Variants in EP400 observed in about 807,000 individuals in gnomAD.
The protein encoded by EP400 is E1A binding protein p400.
EP400 carries 105 observed loss-of-function variants against 354.1 expected under a neutral mutation model. The ratio of observed to expected loss-of-function variants is 0.30; its 90% confidence interval spans 0.25 to 0.35. EP400 has a LOEUF of 0.35. Ranked by LOEUF, EP400 falls within the 10% of genes least tolerant of loss-of-function variation. The pLI, the probability that EP400 is intolerant of heterozygous loss-of-function variation, is 1.00. For synonymous variants in EP400, 1,646 were observed against 1,716.9 expected (o/e 0.96, Z 1.02); for missense variants, 3,280 against 4,121.0 (o/e 0.80, Z 5.59).
Position 132,011,841 on chromosome 12 carries a change from A to G in EP400, c.3441+207A>G, listed in dbSNP as rs1033595109. On this transcript the variant is annotated intron_variant, in intron 16 of 52. Transcript: ENST00000389561. ...CCATTCCTTGTGAGGAGGGCCACGC[A>G]CTCGCAGGCCCAGGTGTGCACAGAT... Among the ~76,000 whole-genome samples, 5 of 152,144 alleles carry G rather than the reference A, an allele frequency of 3.3e-5. No homozygotes were observed. In the South Asian group the frequency reaches 8.3e-4, roughly 25 times the overall value.
chr12:131,970,996 G>A (rs780584732), intron 2 of EP400, among the ~76,000 whole-genome samples: 8 of 152,258 alleles, frequency 5.3e-5, no homozygotes, highest in East Asian at 3.9e-4. Context: ...TTGAGACCGC[G>A]TATTCAAGAC....
At position 132,044,848 on chromosome 12, in the gene EP400, G is replaced by A. The variant is rs141231230; in HGVS notation, c.6679G>A (p.Asp2227Asn). The change falls in exon 37 of 53, where the codon GAC becomes AAC. Residue 2227 changes from aspartate to asparagine, a missense_variant. By Grantham distance (23) the Asp-to-Asn change is conservative. Coordinates refer to ENST00000389561, the MANE Select transcript of EP400 (RefSeq NM_015409.5). ...PPQDDSDIYL[D>N]SVMCLMYEAT... ...GCAGGACGACAGCGACATCTACCTC[G>A]ACTCGGTCATGTGTCTCATGTATGA... 1.3e-4 allele frequency: 212 copies of A among 1,614,104 alleles called. No homozygotes were observed. The highest frequency in any genetic ancestry group is 2.0e-4 in the Admixed American group (12 of 60,024).
In EP400 at chr12:132,037,767, G is replaced by A; in HGVS notation, c.6037G>A (p.Asp2013Asn). The change falls in exon 31 of 53, where the codon GAC (aspartate) becomes AAC (asparagine). Residue 2013 changes from aspartate (D) to asparagine (N), a missense_variant. This residue lies in a region of EP400 where 60 missense variants were observed against 109.9 expected (regional missense o/e 0.55). Transcript: ENST00000389561. ...LIREVAAQGN[D>N]YSMAFLTQRT... ...CCGAGAAGTGGCTGCTCAGGGAAAT[G>A]ACTACTCCATGGCTTTCTTAACTCA... is the stretch of plus-strand genomic sequence containing the variant. 4 of 1,614,204 alleles carry A rather than the reference G, an allele frequency of 2.5e-6. No homozygotes were observed. Among genetic ancestry groups the A allele is most frequent in the Non-Finnish European group, 3.4e-6 (4 of 1,180,040 alleles).
intron 45 of EP400, among the ~76,000 whole-genome samples, chr12:132,060,154 G>A (rs1217270071): frequency 6.6e-6 from 1 of 152,102 alleles, no homozygotes; most frequent in East Asian, 1.9e-4. Flanking sequence ...CAAAACTGGG[G>A]GAAACAACCC....
intron 47 of EP400, 67 bp from the exon 48 acceptor site, chr12:132,064,601 C>A: frequency 5.8e-6 from 9 of 1,563,578 alleles, no homozygotes; most frequent in Non-Finnish European, 7.8e-6. Context: ...GGCTTAGGAA[C>A]AAGATGTCTA....
chr12:131,991,515 T>C, intron 10 of EP400, 59 bp downstream of exon 10: 5 of 1,484,760 alleles, frequency 3.4e-6, no homozygotes, highest in Non-Finnish European at 4.7e-6. Context: ...TCCAGTAGAG[T>C]GGGCCTTTTC....
intron 32 of EP400, among the ~76,000 whole-genome samples, chr12:132,041,814 AT>A (rs1466340276): frequency 6.6e-6 from 1 of 151,518 alleles, no homozygotes; most frequent in East Asian, 1.9e-4. Flanking sequence ...TTGTGGTTTA[AT>A]TTGTGGTTTT....
rs1232340531 is a variant in EP400, at chr12:132,045,555, C to T, written c.7021C>T (p.Leu2341=). Residue 2341 remains leucine, a synonymous_variant, in exon 38 of 53, where the codon CTG becomes TTG. Transcript: ENST00000389561. ...GCTCATCAGTGAGGACTGGGCGCTGCTGCAGGTAGGTGGGCGTGGTCTTTG... is the reference window on the plus strand; with the variant it reads ...GCTCATCAGTGAGGACTGGGCGCTGTTGCAGGTAGGTGGGCGTGGTCTTTG... ...EWLISEDWAL[L]QAVKQLLELP... The T allele has an allele frequency of 2.5e-6, 4 of 1,613,884 alleles. No homozygotes were observed. Among genetic ancestry groups the T allele is most frequent in the African/African-American group, 1.3e-5 (1 of 74,958 alleles).
Position 131,986,574 on chromosome 12 carries a change from A to G in EP400, c.1990A>G (p.Thr664Ala), listed in dbSNP as rs1201953707. The G allele has an allele frequency of 1.9e-6, 3 of 1,613,512 alleles. No individual in the cohort carries two copies. The highest frequency in any genetic ancestry group is 2.2e-5 in the East Asian group (1 of 44,830). ...PAPPCPRPLPTSSTSSLAPVS... is the reference protein window; with the variant it reads ...PAPPCPRPLPASSTSSLAPVS... ...CCCGCCCTGCCCACGGCCTCTGCCCACCTCTTCTACCTCGTCCCTCGCGCC... is the reference window on the plus strand; with the variant it reads ...CCCGCCCTGCCCACGGCCTCTGCCCGCCTCTTCTACCTCGTCCCTCGCGCC... The change falls in exon 6 of 53, where the codon ACC (threonine) becomes GCC (alanine). Residue 664 changes from threonine to alanine, a missense_variant. Physicochemically the swap from Thr to Ala is moderately conservative, Grantham distance 58. Coordinates refer to ENST00000389561, the MANE Select transcript of EP400 (RefSeq NM_015409.5).
intron 1 of EP400, among the ~76,000 whole-genome samples, chr12:131,959,997 C>T (rs1461001054): frequency 1.3e-5 from 2 of 152,180 alleles, no homozygotes; most frequent in African/African-American, 4.8e-5. Flanking sequence ...CTGGGGAGGG[C>T]TGGGTATTTG....
At chr12:131,963,671 C>G (rs1188800092) in intron 2 of EP400, 1 of 1,553,616 alleles carries the variant, frequency 6.4e-7, no homozygotes, top group South Asian at 1.1e-5. Context: ...CAAATGTAGT[C>G]TCATCCCAAA....
rs1410286485 is a variant in EP400 at position 132,067,167 on chromosome 12, G to A, written c.8750-195G>A. 2.6e-6 allele frequency: 3 copies of A among 1,160,616 alleles called. No individual in the cohort carries two copies. In the East Asian group the frequency reaches 7.4e-5, roughly 29 times the overall value. The allele number at this position is 1,160,616 out of a possible 1,614,324, so 71.9% of individuals were successfully genotyped here. On this transcript the variant is annotated intron_variant, in intron 49 of 52. Coordinates refer to ENST00000389561, the MANE Select transcript of EP400 (RefSeq NM_015409.5). This position sits in a 1 kb window ranked among gnomAD's most constrained non-coding sequence, Gnocchi z 5.3. ...TCCTCAATTGAACTGTTAACATTCTGAAATTTCCGTCTTAATTTAAGTGTA... is the reference window on the plus strand; with the variant it reads ...TCCTCAATTGAACTGTTAACATTCTAAAATTTCCGTCTTAATTTAAGTGTA...
chr12:131,964,166 A>G (rs1487887393), intron 2 of EP400, among the ~76,000 whole-genome samples: 1 of 152,198 alleles, frequency 6.6e-6, no homozygotes, highest in African/African-American at 2.4e-5. Context: ...TCAGTGTTAA[A>G]TTAGTAATGC....
At chr12:132,049,231 C>T (rs1290660784) in intron 39 of EP400, among the ~76,000 whole-genome samples, 1 of 152,256 alleles carries the variant, frequency 6.6e-6, no homozygotes, top group Non-Finnish European at 1.5e-5. Flanking sequence ...CATTACCAGA[C>T]ACACGGTCTT....
Position 132,053,502 on chromosome 12 carries a change from C to T in EP400, c.7633C>T (p.Gln2545Ter), listed in dbSNP as rs1264573144. Residue 2545 changes from glutamine (Q) to a stop codon, truncating the protein, a stop_gained, in exon 43 of 53, where the codon CAA becomes TAA. Transcript: ENST00000389561. LOFTEE classifies it high-confidence loss of function. ...AGCAGGGCCACCAGCTGTCCAGCCC[C>T]AACCCCAGCCACAGCCCCAGACCCA... The part of the protein sequence containing the change: ...PPAGPPAVQP[Q>*]PQPQPQTQPQ... 6.5e-7 allele frequency: 1 copy of T among 1,539,118 alleles called. No individual in the cohort carries two copies. The highest frequency in any genetic ancestry group is 8.7e-7 in the Non-Finnish European group (1 of 1,148,762).
chr12:132,033,695 C>G lies in EP400; in HGVS notation c.5951+1546C>G, dbSNP rs1487270140. Among the ~76,000 whole-genome samples the G allele has an allele frequency of 3.3e-5, 5 of 152,150 alleles. No individual in the cohort carries two copies. In the South Asian group the frequency reaches 8.3e-4, roughly 25 times the overall value. ...TACAGGTGTGCAGTACCATGCCTGG[C>G]TAATGTTTGTATTTTTTGCACAGAC... is the stretch of plus-strand genomic sequence containing the variant. On this transcript the variant is annotated intron_variant, in intron 30 of 52. Transcript: ENST00000389561.
At chr12:132,043,236 T>C in intron 32 of EP400, 68 bp from the exon 33 acceptor site, 1 of 1,540,382 alleles carries the variant, frequency 6.5e-7, no homozygotes, top group Non-Finnish European at 8.8e-7. Flanking sequence ...TTACATGGGA[T>C]AGCTCTTTTT....
rs1355785812 is a variant in EP400 at position 131,990,554 on chromosome 12, T to C, written c.2551-82T>C. ...AAACACTGTTTTCAGACTCTGCTTATGTGCTTTAGTGTTTTGTATGCAGAA... is the reference window on the plus strand; with the variant it reads ...AAACACTGTTTTCAGACTCTGCTTACGTGCTTTAGTGTTTTGTATGCAGAA... On this transcript the variant is annotated intron_variant, in intron 8 of 52. Transcript: ENST00000389561. The surrounding 1 kb of genome is among the most constrained non-coding windows in gnomAD (Gnocchi z 4.2). The C allele has an allele frequency of 3.9e-6, 4 of 1,028,700 alleles. No individual in the cohort carries two copies. Among genetic ancestry groups the C allele is most frequent in the Non-Finnish European group, 5.8e-6 (4 of 686,276 alleles). 63.7% of individuals were successfully genotyped at this position (1,028,700 alleles called of 1,614,324 possible).
intron 7 of EP400, 58 bp from the exon 8 acceptor site, chr12:131,989,906 T>G: frequency 6.4e-7 from 1 of 1,570,098 alleles, no homozygotes; most frequent in South Asian, 1.2e-5. Context: ...TTACATATCC[T>G]TTTTTTTCCA....
Sources: allele counts gnomAD v4.1 joint callset (sites outside exome capture counted in the v4.1 genomes callset), GRCh38; gene constraint gnomAD v4.1.1; regional missense constraint gnomAD v4.1.1; non-coding constraint Gnocchi (gnomAD v3.1); transcripts MANE v1.5; gene names NCBI Gene and HGNC (gene_info 2026-07-23, HGNC 2026-07-21).